The following SLC12A1 variants were observed in gnomAD, a reference collection of about 807,000 sequenced individuals.
The protein encoded by SLC12A1 is solute carrier family 12 member 1.
Under a neutral mutation model 130.4 loss-of-function variants are expected in SLC12A1, and 89 were observed. The ratio of observed to expected loss-of-function variants is 0.68; its 90% CI spans 0.58 to 0.81. The LOEUF (loss-of-function observed/expected upper bound fraction) is 0.81, where lower values mean the gene tolerates loss of function less well. Among genes scored for constraint, SLC12A1 ranks in the 40% least tolerant of loss-of-function variants. SLC12A1 has a pLI of 0.00. For synonymous variants in SLC12A1, 499 were observed against 460.0 expected, an observed-to-expected ratio of 1.08 and a Z score of -1.09; for missense variants, 1,310 against 1,336.4, an observed-to-expected ratio of 0.98 and a Z score of 0.31.
chr15:48,280,306 C>T (rs1030043619), intron 20 of SLC12A1, among the ~76,000 whole-genome samples: 2 of 152,118 alleles, frequency 1.3e-5, no homozygotes, highest in Non-Finnish European at 2.9e-5. Context: ...AACTACTATT[C>T]AAAGTACTTT....
chr15:48,242,100 A>T (rs1182239983), intron 10 of SLC12A1, among the ~76,000 whole-genome samples: 1 of 152,196 alleles, frequency 6.6e-6, no homozygotes, highest in African/African-American at 2.4e-5. Flanking sequence ...AGGATATCAG[A>T]ACAAGACCCA....
rs34478443 is a variant in SLC12A1, at chr15:48,285,357, G to A, written c.2629+108G>A. ...TAAGATGTTGGGAGCATTGAGTGTG[G>A]GTAGGAACTGAAAGGTTTCTCTCCA... On this transcript the variant is annotated intron_variant, in intron 21 of 26. Transcript: ENST00000380993. The A allele has an allele frequency of 1.1e-3, 1,154 of 1,032,390 alleles. 10 individuals are homozygous for A. The African/African-American group carries it at 0.017, about 15-fold the overall frequency. 64.0% of individuals were successfully genotyped at this position (1,032,390 alleles called of 1,614,324 possible).
chr15:48,244,866 C>T lies in SLC12A1; in HGVS notation c.1414C>T (p.His472Tyr). The T allele has an allele frequency of 6.2e-6, 10 of 1,613,948 alleles. No individual in the cohort carries two copies. Among genetic ancestry groups the T allele is most frequent in the Non-Finnish European group, 8.5e-6 (10 of 1,179,862 alleles). Residue 472 changes from histidine to tyrosine, a missense_variant, in exon 11 of 27, where the codon CAT becomes TAT. Physicochemically the swap from His to Tyr is moderately conservative, Grantham distance 83. Transcript: ENST00000380993. ...GGGCTATGACTTCTCAAGATGTCGA[C>T]ATGAACCATGTCAGTACGGGCTGAT... ...GLGYDFSRCR[H>Y]EPCQYGLMNN...
At chr15:48,283,982 T>A (rs920924181) in intron 20 of SLC12A1, among the ~76,000 whole-genome samples, 1 of 152,198 alleles carries the variant, frequency 6.6e-6, no homozygotes, top group Admixed American at 6.5e-5. Context: ...GCACATTACA[T>A]AGCAGCTAGG....
At position 48,244,868 on chromosome 15, in the gene SLC12A1, T is replaced by C; in HGVS notation, c.1416T>C (p.His472=). The C allele has an allele frequency of 1.9e-6, 3 of 1,614,008 alleles. No homozygotes were observed. Among genetic ancestry groups the C allele is most frequent in the Non-Finnish European group, 2.5e-6 (3 of 1,179,874 alleles). The change falls in exon 11 of 27, where the codon CAT becomes CAC. Residue 472 remains histidine (H), a synonymous_variant. Coordinates refer to ENST00000380993, the MANE Select transcript of SLC12A1 (RefSeq NM_000338.3). Reference sequence around the variant, plus strand: ...GCTATGACTTCTCAAGATGTCGACATGAACCATGTCAGTACGGGCTGATGA... The same window carrying C: ...GCTATGACTTCTCAAGATGTCGACACGAACCATGTCAGTACGGGCTGATGA... ...GLGYDFSRCR[H]EPCQYGLMNN...
At chr15:48,210,124 A>G (rs950211342) in intron 2 of SLC12A1, among the ~76,000 whole-genome samples, 11 of 152,228 alleles carry the variant, frequency 7.2e-5, no homozygotes, top group Non-Finnish European at 1.3e-4. Flanking sequence ...AAAGGAGAAG[A>G]GAAAGGAAAA....
At chr15:48,212,767 T>C (rs1362468950) in intron 2 of SLC12A1, among the ~76,000 whole-genome samples, 1 of 152,136 alleles carries the variant, frequency 6.6e-6, no homozygotes, top group African/African-American at 2.4e-5. Flanking sequence ...TAAAATACTA[T>C]AAAATTAAGA....
At chr15:48,250,930 T>C (rs1241947369) in intron 14 of SLC12A1, among the ~76,000 whole-genome samples, 1 of 152,086 alleles carries the variant, frequency 6.6e-6, no homozygotes, top group Non-Finnish European at 1.5e-5. Context: ...TTGCTTCCAT[T>C]TCAGGGAACT....
intron 16 of SLC12A1, among the ~76,000 whole-genome samples, chr15:48,257,339 G>A (rs1484062617): frequency 6.6e-6 from 1 of 152,190 alleles, no homozygotes; most frequent in Non-Finnish European, 1.5e-5. Context: ...GGGGTCTAGA[G>A]GACTGTGGTC....
intron 17 of SLC12A1, among the ~76,000 whole-genome samples, chr15:48,266,845 C>T (rs183613734): frequency 6.6e-6 from 1 of 152,182 alleles, no homozygotes; most frequent in African/African-American, 2.4e-5. Flanking sequence ...AATGTGTTTC[C>T]AGAACTAAAT....
At chr15:48,256,614 G>A (rs1210577514) in intron 16 of SLC12A1, among the ~76,000 whole-genome samples, 1 of 152,184 alleles carries the variant, frequency 6.6e-6, no homozygotes, top group Non-Finnish European at 1.5e-5. Context: ...GCAGGCAAGG[G>A]AGTGTGTGCA....
intron 11 of SLC12A1, among the ~76,000 whole-genome samples, 185 bp from the exon 12 acceptor site, chr15:48,246,724 G>A (rs532049579): frequency 6.6e-6 from 1 of 152,158 alleles, no homozygotes; most frequent in South Asian, 2.1e-4. Context: ...CGGTTGCAGT[G>A]AGCCAAGATC....
Position 48,291,747 on chromosome 15 carries a change from A to C in SLC12A1, c.2874-31A>C, listed in dbSNP as rs35214994. The C allele has an allele frequency of 2.9e-4, 366 of 1,262,662 alleles. 1 individual carries two copies. In the African/African-American group the frequency reaches 5.1e-3, roughly 18 times the overall value. The allele number at this position is 1,262,662 out of a possible 1,614,324, so 78.2% of individuals were successfully genotyped here. On this transcript the variant is annotated intron_variant, in intron 23 of 26. Transcript: ENST00000380993. The stretch of plus-strand genomic sequence containing the variant: ...TTGATTGAAAATAGTTAAATATGCA[A>C]TGATGAAGTATTTTCCTTTTATATT...
At chr15:48,241,418 G>T (rs1402612988) in intron 9 of SLC12A1, 97 bp from the exon 10 acceptor site, 12 of 972,752 alleles carry the variant, frequency 1.2e-5, no homozygotes, top group South Asian at 9.3e-5. Flanking sequence ...CCTCAGGAAG[G>T]GTAGCCTAAA....
chr15:48,265,766 A>C (rs1355207233), intron 17 of SLC12A1, among the ~76,000 whole-genome samples: 2 of 152,218 alleles, frequency 1.3e-5, no homozygotes, highest in African/African-American at 4.8e-5. Context: ...GTCTGATCCA[A>C]TTTAAATAGA....
chr15:48,263,564 C>T (rs953634625), intron 17 of SLC12A1, among the ~76,000 whole-genome samples: 1 of 151,834 alleles, frequency 6.6e-6, no homozygotes, highest in Non-Finnish European at 1.5e-5. Flanking sequence ...TTAAATGAGA[C>T]CTTTAATTTA....
At chr15:48,218,076 C>G (rs1368063628) in intron 2 of SLC12A1, 1 of 152,468 alleles carries the variant, frequency 6.6e-6, no homozygotes, top group East Asian at 1.9e-4. Context: ...TTCCAAAGTA[C>G]TGGGATTACA....
At chr15:48,267,746 A>G (rs2041848149) in intron 18 of SLC12A1, 45 bp downstream of exon 18, 1 of 1,603,956 alleles carries the variant, frequency 6.2e-7, no homozygotes, top group Admixed American at 1.7e-5. Flanking sequence ...AAAGACAATT[A>G]GTGCTCCATG....
chr15:48,302,564 G>A (rs902186761), intron 26 of SLC12A1, among the ~76,000 whole-genome samples, 186 bp from the exon 27 acceptor site: 1 of 132,050 alleles, frequency 7.6e-6, no homozygotes, highest in Non-Finnish European at 1.6e-5. Context: ...AGCTTGCAGT[G>A]AGCCGAGATT....
Sources: allele counts gnomAD v4.1 joint callset (sites outside exome capture counted in the v4.1 genomes callset), GRCh38; gene constraint gnomAD v4.1.1; transcripts MANE v1.5; gene names NCBI Gene and HGNC (gene_info 2026-07-23, HGNC 2026-07-21).